Variants in MARCHF4 observed in about 807,000 individuals in gnomAD.
MARCHF4 encodes the protein membrane associated ring-CH-type finger 4, also known as E3 ubiquitin-protein ligase MARCHF4.
A neutral mutation model predicts 43.9 loss-of-function variants in MARCHF4; 14 were observed. The ratio of observed to expected loss-of-function variants is 0.32; its 90% CI spans 0.21 to 0.50. MARCHF4 has a LOEUF of 0.50. MARCHF4 is among the 20% of genes least tolerant of loss of function. MARCHF4 has a pLI of 0.98. For synonymous variants in MARCHF4, 226 were observed against 213.3 expected, an observed-to-expected ratio of 1.06 and a Z score of -0.52; for missense variants, 468 against 536.7, an observed-to-expected ratio of 0.87 and a Z score of 1.27.
intron 1 of MARCHF4, among the ~76,000 whole-genome samples, chr2:216,299,767 A>G (rs1691457234): frequency 6.6e-6 from 1 of 152,348 alleles, no homozygotes; most frequent in South Asian, 2.1e-4. Context: ...TCACAAGCCT[A>G]AAAGTTGGCT....
chr2:216,263,271 T>A (rs1690772300), intron 3 of MARCHF4, among the ~76,000 whole-genome samples: 1 of 151,900 alleles, frequency 6.6e-6, no homozygotes, highest in South Asian at 2.1e-4. Flanking sequence ...TACTAAAAAT[T>A]CAAAAATTAG....
At chr2:216,310,648 G>T in intron 1 of MARCHF4, among the ~76,000 whole-genome samples, 1 of 152,186 alleles carries the variant, frequency 6.6e-6, no homozygotes, top group East Asian at 1.9e-4. Context: ...GGGTAAGCTT[G>T]CTCTCTGCTG....
At chr2:216,338,512 G>A (rs73066475) in intron 1 of MARCHF4, among the ~76,000 whole-genome samples, 11 of 152,168 alleles carry the variant, frequency 7.2e-5, no homozygotes, top group Admixed American at 1.3e-4. Flanking sequence ...AGTGGTCGCA[G>A]TTCCCATCAA....
chr2:216,290,661 A>G (rs932051423), intron 1 of MARCHF4, among the ~76,000 whole-genome samples: 1 of 152,152 alleles, frequency 6.6e-6, no homozygotes, highest in African/African-American at 2.4e-5. Context: ...GTGAGTCACG[A>G]TGGTGTTTTG....
intron 1 of MARCHF4, among the ~76,000 whole-genome samples, chr2:216,345,684 C>A (rs980527052): frequency 1.3e-5 from 2 of 152,162 alleles, no homozygotes; most frequent in Admixed American, 6.5e-5. Context: ...AACCACTGAC[C>A]CCTTTGCTGC....
At chr2:216,259,979 T>C (rs754117591) in intron 3 of MARCHF4, among the ~76,000 whole-genome samples, 42 of 152,316 alleles carry the variant, frequency 2.8e-4, no homozygotes, top group Non-Finnish European at 5.4e-4. Context: ...AGGCATAATA[T>C]AAATATCTTT....
At chr2:216,335,819 G>C (rs1434234594) in intron 1 of MARCHF4, among the ~76,000 whole-genome samples, 6 of 152,054 alleles carry the variant, frequency 3.9e-5, no homozygotes, top group African/African-American at 1.4e-4. Context: ...TGTAATCCCA[G>C]AACTTTGGGA....
intron 1 of MARCHF4, among the ~76,000 whole-genome samples, chr2:216,326,577 A>G (rs979802692): frequency 7.2e-5 from 11 of 151,976 alleles, no homozygotes; most frequent in Non-Finnish European, 1.5e-4. Context: ...TCCAACAATG[A>G]TAGACTGGAT....
At position 216,349,091 on chromosome 2, in the gene MARCHF4, A is replaced by G. The variant is rs1237435637; in HGVS notation, c.516+20654T>C. Among the ~76,000 whole-genome samples the G allele has an allele frequency of 2.6e-5, 4 of 152,070 alleles. No homozygotes were observed. In the East Asian group the frequency reaches 7.7e-4, roughly 29 times the overall value. ...CTTTAGGTTTCTGCATCTGAGAGCA[A>G]GAAGGTAAGCTCCTTGAGAGCAATT... On this transcript the variant is annotated intron_variant, in intron 1 of 3. Coordinates refer to ENST00000273067, the MANE Select transcript of MARCHF4 (RefSeq NM_020814.3).
intron 3 of MARCHF4, among the ~76,000 whole-genome samples, chr2:216,276,700 C>T (rs771782634): frequency 1.6e-4 from 24 of 152,246 alleles, no homozygotes; most frequent in South Asian, 6.2e-4. Context: ...CTAACAACAC[C>T]GGGAGAGGAT....
At chr2:216,260,363 T>G (rs886217297) in intron 3 of MARCHF4, among the ~76,000 whole-genome samples, 3 of 152,212 alleles carry the variant, frequency 2.0e-5, no homozygotes, top group Non-Finnish European at 2.9e-5. Context: ...AGTGACAATT[T>G]CAGGTGCTGA....
rs1296305463 is a variant in MARCHF4 at position 216,320,656 on chromosome 2, TTTCTTTCTTTCTTTCTTTC to T, written c.517-36946_517-36928del. 2.7e-3 allele frequency among the ~76,000 whole-genome samples: 329 copies of T among 122,266 alleles called. 8 individuals are homozygous for T. The highest frequency in any genetic ancestry group is 0.017 in the South Asian group (61 of 3,546). The allele number at this position is 122,266 out of a possible 152,430, so 80.2% of individuals were successfully genotyped here. On this transcript the variant is annotated intron_variant, in intron 1 of 3. Transcript: ENST00000273067. The stretch of plus-strand genomic sequence containing the variant: ...CTTTCTTTCTTTCTTTCTTTCTTTC[TTTCTTTCTTTCTTTCTTTC>T]TTTTTTTTTTTTTGAGATGGAGTCC...
At chr2:216,276,838 C>T (rs1273647835) in intron 3 of MARCHF4, among the ~76,000 whole-genome samples, 1 of 152,076 alleles carries the variant, frequency 6.6e-6, no homozygotes, top group African/African-American at 2.4e-5. Flanking sequence ...AGTCAACAGC[C>T]ACAATCATCT....
intron 3 of MARCHF4, 189 bp from the exon 4 acceptor site, chr2:216,259,868 C>G: frequency 1.7e-6 from 1 of 603,026 alleles, no homozygotes; most frequent in Non-Finnish European, 2.9e-6. Context: ...GCCACCAGAC[C>G]GAGTCCATGA....
At chr2:216,320,649 TTC>T (rs1324203255) in intron 1 of MARCHF4, among the ~76,000 whole-genome samples, 1 of 121,094 alleles carries the variant, frequency 8.3e-6, no homozygotes, top group Non-Finnish European at 1.6e-5. Context: ...CTTTCTTTCT[TTC>T]TTTCTTTCTT....
intron 3 of MARCHF4, among the ~76,000 whole-genome samples, chr2:216,263,963 T>C (rs545088280): frequency 3.3e-5 from 5 of 151,926 alleles, no homozygotes; most frequent in Non-Finnish European, 5.9e-5. Flanking sequence ...GGTGAGATGA[T>C]CACACGGTGG....
chr2:216,317,367 A>G (rs1047021246), intron 1 of MARCHF4, among the ~76,000 whole-genome samples: 2 of 152,158 alleles, frequency 1.3e-5, no homozygotes, highest in African/African-American at 4.8e-5. Flanking sequence ...CTCTCCTCCC[A>G]TGAGGAGCCA....
chr2:216,367,775 T>A (rs77762529), intron 1 of MARCHF4, among the ~76,000 whole-genome samples: 123 of 152,372 alleles, frequency 8.1e-4, no homozygotes, highest in African/African-American at 2.9e-3. Flanking sequence ...AGATCTTGTA[T>A]CACATGAGGG....
chr2:216,369,760 G>A lies in MARCHF4; in HGVS notation c.501C>T (p.Phe167=), dbSNP rs764151892. ...GMRTPLCRIC[F]QGPEQGELLS... is the part of the protein sequence containing the mutation. ...GGGGACTCACCTGTTCTGGCCCCTG[G>A]AAGCAGATGCGGCAGAGTGGGGTCC... Residue 167 remains phenylalanine (F), a synonymous_variant, in exon 1 of 4, where the codon TTC becomes TTT. Transcript: ENST00000273067. 6.3e-7 allele frequency: 1 copy of A among 1,594,094 alleles called. No individual in the cohort carries two copies. The highest frequency in any genetic ancestry group is 1.7e-5 in the Admixed American group (1 of 58,938).
Sources: allele counts gnomAD v4.1 joint callset (sites outside exome capture counted in the v4.1 genomes callset), GRCh38; gene constraint gnomAD v4.1.1; transcripts MANE v1.5; gene names NCBI Gene and HGNC (gene_info 2026-07-23, HGNC 2026-07-21).